Variants in MID1 observed in about 807,000 individuals in gnomAD.
MID1 encodes the protein E3 ubiquitin-protein ligase Midline-1.
In MID1, 7 loss-of-function variants were observed where a neutral mutation model predicts 40.4. The ratio of observed to expected loss-of-function variants is 0.17; its 90% CI spans 0.10 to 0.33. MID1 has a LOEUF of 0.33. Among genes scored for constraint, MID1 ranks in the 10% least tolerant of loss-of-function variants. MID1 has a pLI of 1.00. For synonymous variants in MID1, 229 were observed against 221.2 expected, an observed-to-expected ratio of 1.04 and a Z score of -0.31; for missense variants, 367 against 558.5, an observed-to-expected ratio of 0.66 and a Z score of 3.46.
At chrX:10,806,421 T>C (rs1205609346) in intron 1 of MID1, among the ~76,000 whole-genome samples, 1 of 112,130 alleles carries the variant, frequency 8.9e-6, no homozygotes, top group African/African-American at 3.2e-5. Flanking sequence ...TGGATTTGCT[T>C]GCCTGTGCAG....
chrX:10,829,008 G>T (rs1464819659), intron 1 of MID1, among the ~76,000 whole-genome samples: 3 of 112,241 alleles, frequency 2.7e-5, no homozygotes, highest in Non-Finnish European at 5.6e-5. Context: ...ACCATTCATT[G>T]CTCTGGAAGA....
intron 1 of MID1, among the ~76,000 whole-genome samples, chrX:10,765,876 A>AAAAG (rs764464716): frequency 1.8e-5 from 2 of 108,236 alleles, no homozygotes; most frequent in African/African-American, 3.4e-5. Context: ...CTAAAAGACA[A>AAAAG]AAAGAAAGAA....
chrX:10,808,933 T>G (rs1160969506), intron 1 of MID1, among the ~76,000 whole-genome samples: 2 of 111,803 alleles, frequency 1.8e-5, no homozygotes, highest in Non-Finnish European at 3.8e-5. Context: ...AAATGGGATC[T>G]AATTAAACTA....
At chrX:10,530,051 G>A (rs1932920460) in intron 2 of MID1, among the ~76,000 whole-genome samples, 1 of 111,886 alleles carries the variant, frequency 8.9e-6, no homozygotes, top group African/African-American at 3.2e-5. Context: ...CAAGAAGAGG[G>A]CCTTGAGAGT....
chrX:10,756,492 T>C (rs745582963), intron 1 of MID1, among the ~76,000 whole-genome samples: 4 of 110,327 alleles, frequency 3.6e-5, no homozygotes, highest in Non-Finnish European at 7.6e-5. Context: ...TGTGGACTTG[T>C]AGCATTTCCA....
intron 1 of MID1, among the ~76,000 whole-genome samples, chrX:10,817,912 C>A (rs1602596184): frequency 9.0e-6 from 1 of 111,622 alleles, no homozygotes; most frequent in East Asian, 2.8e-4. Flanking sequence ...AGTCACCGCA[C>A]CTGGCCAACA....
chrX:10,542,453 G>A (rs1933509504), intron 2 of MID1, among the ~76,000 whole-genome samples: 2 of 111,990 alleles, frequency 1.8e-5, no homozygotes, highest in African/African-American at 3.2e-5. Flanking sequence ...ATGAGGACTG[G>A]AAGGGGAACT....
intron 2 of MID1, among the ~76,000 whole-genome samples, chrX:10,524,935 A>C (rs1243641112): frequency 1.2e-4 from 13 of 112,184 alleles, no homozygotes. Context: ...TTGAGAGGGC[A>C]AAAGATTAGG....
intron 1 of MID1, among the ~76,000 whole-genome samples, chrX:10,592,867 T>C (rs925500481): frequency 2.9e-4 from 33 of 112,219 alleles, no homozygotes; most frequent in African/African-American, 1.0e-3. Flanking sequence ...GAGTCCACTT[T>C]ACTTGCATAA....
At chrX:10,630,430 T>A (rs1424625172) in intron 1 of MID1, among the ~76,000 whole-genome samples, 1 of 110,159 alleles carries the variant, frequency 9.1e-6, no homozygotes, top group African/African-American at 3.3e-5. Flanking sequence ...GAGGCCAGGG[T>A]GAACTCAACC....
chrX:10,697,991 T>C (rs916590570), intron 1 of MID1, among the ~76,000 whole-genome samples: 2 of 112,804 alleles, frequency 1.8e-5, no homozygotes, highest in South Asian at 3.7e-4. Flanking sequence ...CCTTGAAATA[T>C]AGTATGTAGA....
intron 2 of MID1, among the ~76,000 whole-genome samples, chrX:10,546,837 T>C (rs112702667): frequency 0.01 from 1,174 of 112,369 alleles, 16 homozygotes; most frequent in African/African-American, 0.036. Flanking sequence ...TCCTCACATA[T>C]GTGCGAGAGA....
chrX:10,542,380 A>T (rs911786146), intron 2 of MID1, among the ~76,000 whole-genome samples: 5 of 111,472 alleles, frequency 4.5e-5, no homozygotes, highest in African/African-American at 6.5e-5. Context: ...CTGAACCTTT[A>T]AAAAAAACTT....
chrX:10,759,296 C>G (rs1026543868), intron 1 of MID1, among the ~76,000 whole-genome samples: 1 of 111,785 alleles, frequency 8.9e-6, no homozygotes, highest in African/African-American at 3.3e-5. Context: ...ATGCTGGCGA[C>G]GCAGGGCTGA....
chrX:10,546,455 T>A (rs1157669516), intron 2 of MID1, among the ~76,000 whole-genome samples: 1 of 111,915 alleles, frequency 8.9e-6, no homozygotes, highest in East Asian at 2.8e-4. Flanking sequence ...TTTTTATATA[T>A]CTTCTTTATA....
At chrX:10,459,422 G>C (rs1260402837) in intron 8 of MID1, among the ~76,000 whole-genome samples, 1 of 112,160 alleles carries the variant, frequency 8.9e-6, no homozygotes, top group African/African-American at 3.2e-5. Context: ...TTAAAATTGA[G>C]TAATGCAGAG....
At chrX:10,537,901 T>C (rs991695165) in intron 2 of MID1, among the ~76,000 whole-genome samples, 6 of 112,304 alleles carry the variant, frequency 5.3e-5, no homozygotes, top group African/African-American at 1.9e-4. Context: ...TCCCCTGTTA[T>C]TTTAAACTCA....
intron 1 of MID1, among the ~76,000 whole-genome samples, chrX:10,708,763 C>A (rs757663501): frequency 2.7e-5 from 3 of 111,695 alleles, no homozygotes; most frequent in Non-Finnish European, 5.6e-5. Flanking sequence ...TTAGCTGGTT[C>A]TCAGAAACAA....
At position 10,784,443 on chromosome X, in the gene MID1, C is replaced by CT. The variant is rs1222382957; in HGVS notation, c.-187+49110dup. On this transcript the variant is annotated intron_variant, in intron 1 of 10. Transcript: ENST00000380785. ...CAACTCCTCTTACAAGTTGTATTTT[C>CT]TTTTTTTTTTTTTTTTTTTTGAGAC... Among the ~76,000 whole-genome samples the CT allele has an allele frequency of 8.1e-3, 710 of 87,494 alleles. 4 individuals are homozygous for CT. The highest frequency in any genetic ancestry group is 0.014 in the East Asian group (39 of 2,851). The allele number at this position is 87,494 out of a possible 115,157, so 76.0% of individuals were successfully genotyped here.
Sources: allele counts gnomAD v4.1 joint callset (sites outside exome capture counted in the v4.1 genomes callset), GRCh38; gene constraint gnomAD v4.1.1; transcripts MANE v1.5; gene names NCBI Gene and HGNC (gene_info 2026-07-23, HGNC 2026-07-21).